Variants in DYM observed in about 807,000 individuals in gnomAD.
DYM encodes the protein dymeclin.
DYM carries 78 observed loss-of-function variants against 93.1 expected under a neutral mutation model. That is an observed-to-expected ratio of 0.84 (90% CI 0.70 to 1.01). The LOEUF (loss-of-function observed/expected upper bound fraction) is 1.01, where lower values mean the gene tolerates loss of function less well. DYM is among the 50% of genes least tolerant of loss of function. DYM has a pLI of 0.00. For missense variants in DYM, 789 were observed against 845.0 expected, an observed-to-expected ratio of 0.93 and a Z score of 0.82; for synonymous variants, 321 against 319.7, an observed-to-expected ratio of 1.00 and a Z score of -0.04.
intron 11 of DYM, among the ~76,000 whole-genome samples, chr18:49,263,253 G>A (rs1032716567): frequency 6.6e-6 from 1 of 151,426 alleles, no homozygotes; most frequent in South Asian, 2.1e-4. Flanking sequence ...TGAGTAGCTG[G>A]GATTACAGGC....
At chr18:49,232,190 T>C (rs1446111575) in intron 13 of DYM, among the ~76,000 whole-genome samples, 1 of 152,220 alleles carries the variant, frequency 6.6e-6, no homozygotes, top group African/African-American at 2.4e-5. Context: ...TTGGAACTAT[T>C]TGCTCCCCCC....
intron 6 of DYM, among the ~76,000 whole-genome samples, chr18:49,357,201 A>G (rs2065641807): frequency 6.6e-6 from 1 of 152,214 alleles, no homozygotes; most frequent in African/African-American, 2.4e-5. Context: ...TGTTCTTCTC[A>G]TCGGGGTATC....
intron 15 of DYM, among the ~76,000 whole-genome samples, chr18:49,158,372 T>C (rs1172970436): frequency 6.6e-6 from 1 of 152,248 alleles, no homozygotes; most frequent in Admixed American, 6.5e-5. Flanking sequence ...AATAATATTC[T>C]GATTGCTGTT....
chr18:49,427,132 A>G (rs1258868606), intron 2 of DYM, among the ~76,000 whole-genome samples: 1 of 152,210 alleles, frequency 6.6e-6, no homozygotes, highest in Non-Finnish European at 1.5e-5. Flanking sequence ...TCTTAGCATG[A>G]TAACTGGTAT....
At chr18:49,454,966 CCT>C (rs372791718) in intron 1 of DYM, among the ~76,000 whole-genome samples, 2,121 of 143,650 alleles carry the variant, frequency 0.015, 48 homozygotes, top group African/African-American at 0.05. Flanking sequence ...CTTTTTTGGA[CCT>C]CTCTCTCTCT....
chr18:49,314,399 A>C (rs186056022), intron 8 of DYM, among the ~76,000 whole-genome samples: 20 of 152,338 alleles, frequency 1.3e-4, no homozygotes, highest in Non-Finnish European at 2.8e-4. Flanking sequence ...TTCAAGCCTG[A>C]GACCATTACA....
chr18:49,043,840 T>C lies in DYM; in HGVS notation c.*215A>G. 1 of 613,308 alleles carries C rather than the reference T, an allele frequency of 1.6e-6. No individual in the cohort carries two copies. Among genetic ancestry groups the C allele is most frequent in the South Asian group, 2.0e-5 (1 of 51,210 alleles). 38.0% of individuals were successfully genotyped at this position (613,308 alleles called of 1,614,324 possible). ...TTTTACATTTATTATTGTTGTGTAT[T>C]TCCTCCCCTTTTTGCAATACTATCT... On this transcript the variant is annotated 3_prime_UTR_variant, in exon 18 of 18. Coordinates refer to ENST00000675505, the MANE Select transcript of DYM (RefSeq NM_001353214.3).
chr18:49,389,166 T>C (rs975545110), intron 3 of DYM, among the ~76,000 whole-genome samples: 2 of 152,162 alleles, frequency 1.3e-5, no homozygotes, highest in Non-Finnish European at 2.9e-5. Context: ...ATGAGATGAT[T>C]TTTATTTTAG....
intron 15 of DYM, among the ~76,000 whole-genome samples, chr18:49,119,608 G>T (rs945886699): frequency 2.0e-5 from 3 of 152,078 alleles, no homozygotes; most frequent in Non-Finnish European, 4.4e-5. Flanking sequence ...ACATTGATGT[G>T]GTTCTCAATG....
At chr18:49,124,915 G>A (rs1458840828) in intron 15 of DYM, among the ~76,000 whole-genome samples, 1 of 152,228 alleles carries the variant, frequency 6.6e-6, no homozygotes, top group Non-Finnish European at 1.5e-5. Context: ...AGTTTGAAGA[G>A]TGGCTAATTA....
At chr18:49,440,386 GATATATAATATA>G (rs2081243684) in intron 1 of DYM, among the ~76,000 whole-genome samples, 1 of 122,918 alleles carries the variant, frequency 8.1e-6, no homozygotes, top group African/African-American at 3.0e-5. Flanking sequence ...TATTATATAT[GATATATAATATA>G]GCATATTATA....
chr18:49,409,291 AAAAAAAAAG>A (rs1241291023), intron 2 of DYM, among the ~76,000 whole-genome samples: 3 of 151,488 alleles, frequency 2.0e-5, no homozygotes, highest in Non-Finnish European at 2.9e-5. Context: ...CTCAAAAAAA[AAAAAAAAAG>A]AAAAAAAAGA....
In DYM at chr18:49,103,979, T is replaced by C. The variant is rs1044454799; in HGVS notation, c.1912-6464A>G. On this transcript the variant is annotated intron_variant, in intron 16 of 17. Coordinates refer to ENST00000675505, the MANE Select transcript of DYM (RefSeq NM_001353214.3). ...CATTGGTAGCTTGATGGGGATGGCA[T>C]TGAATCTCTAAATTACCTTGGGCAG... 1.8e-4 allele frequency among the ~76,000 whole-genome samples: 27 copies of C among 152,292 alleles called. No homozygotes were observed. The East Asian group carries it at 1.9e-3, about 11-fold the overall frequency.
chr18:49,131,812 A>G (rs1454396008), intron 15 of DYM, among the ~76,000 whole-genome samples: 1 of 152,228 alleles, frequency 6.6e-6, no homozygotes, highest in Non-Finnish European at 1.5e-5. Context: ...CTTTAATTAT[A>G]GTAAATATGA....
intron 15 of DYM, among the ~76,000 whole-genome samples, chr18:49,161,946 C>A (rs1483912101): frequency 1.3e-5 from 2 of 152,214 alleles, no homozygotes; most frequent in Non-Finnish European, 1.5e-5. Context: ...AAACTCAGAA[C>A]TAAAGAGTTC....
chr18:49,242,080 C>T (rs2094025182), intron 13 of DYM, among the ~76,000 whole-genome samples: 1 of 152,190 alleles, frequency 6.6e-6, no homozygotes, highest in African/African-American at 2.4e-5. Context: ...TCACCCCACC[C>T]CACCATTCCA....
At position 49,171,571 on chromosome 18, in the gene DYM, A is replaced by AT. The variant is rs141856565; in HGVS notation, c.1626-7785dup. Among the ~76,000 whole-genome samples, 649 of 152,308 alleles carry AT rather than the reference A, an allele frequency of 4.3e-3. 3 individuals carry two copies. Among genetic ancestry groups the AT allele is most frequent in the African/African-American group, 0.014 (585 of 41,566 alleles). On this transcript the variant is annotated intron_variant, in intron 14 of 17. Transcript: ENST00000675505. ...TAAAGAGCTACTAAAATGTAAAACA[A>AT]TAAAAAATTAAAAAAACCAAAAAAC...
At chr18:49,333,562 A>AG (rs1486007600) in intron 7 of DYM, among the ~76,000 whole-genome samples, 166 bp downstream of exon 7, 3 of 152,248 alleles carry the variant, frequency 2.0e-5, no homozygotes, top group Non-Finnish European at 1.5e-5. Flanking sequence ...TAGATGGCAC[A>AG]GGAAAGTAGA....
intron 11 of DYM, among the ~76,000 whole-genome samples, chr18:49,266,524 T>C (rs926541089): frequency 3.9e-5 from 6 of 152,144 alleles, no homozygotes; most frequent in Non-Finnish European, 8.8e-5. Flanking sequence ...GGTAGGAGGA[T>C]CACCTGAGAC....
Sources: allele counts gnomAD v4.1 joint callset (sites outside exome capture counted in the v4.1 genomes callset), GRCh38; gene constraint gnomAD v4.1.1; transcripts MANE v1.5; gene names NCBI Gene and HGNC (gene_info 2026-07-23, HGNC 2026-07-21).